SLC2A13: variants seen among roughly 807,000 people sequenced by gnomAD.
The protein encoded by SLC2A13 is solute carrier family 2 member 13, also known as proton myo-inositol cotransporter.
A neutral mutation model predicts 64.4 loss-of-function variants in SLC2A13; 32 were observed. That is an observed-to-expected ratio of 0.50 (90% CI 0.37 to 0.67). The LOEUF (loss-of-function observed/expected upper bound fraction) is 0.67. Ranked by LOEUF, SLC2A13 falls within the 30% of genes least tolerant of loss-of-function variation. The pLI is 0.00. For missense variants in SLC2A13, 743 were observed against 829.2 expected, an observed-to-expected ratio of 0.90 and a Z score of 1.28; for synonymous variants, 338 against 327.1, an observed-to-expected ratio of 1.03 and a Z score of -0.36.
intron 3 of SLC2A13, among the ~76,000 whole-genome samples, chr12:39,988,270 A>T (rs1297664447): frequency 6.6e-6 from 1 of 152,166 alleles, no homozygotes; most frequent in African/African-American, 2.4e-5. Flanking sequence ...GTAAAAGAGT[A>T]ATCATTTTTT....
intron 4 of SLC2A13, among the ~76,000 whole-genome samples, chr12:39,914,447 C>T (rs1170476917): frequency 6.6e-6 from 1 of 151,914 alleles, no homozygotes; most frequent in Non-Finnish European, 1.5e-5. Context: ...ATGAGGTGAG[C>T]TCTGCAAGTG....
chr12:39,812,770 C>G (rs561423168), intron 7 of SLC2A13, among the ~76,000 whole-genome samples: 6 of 148,498 alleles, frequency 4.0e-5, no homozygotes, highest in Admixed American at 6.7e-5. Context: ...TTGCACCTGG[C>G]GGTTTCTAAT....
At chr12:39,882,878 T>TA (rs747958712) in intron 4 of SLC2A13, among the ~76,000 whole-genome samples, 7 of 152,230 alleles carry the variant, frequency 4.6e-5, no homozygotes, top group Non-Finnish European at 7.3e-5. Flanking sequence ...TAGAATTACT[T>TA]AGATATACAT....
At chr12:39,866,758 C>T (rs530899556) in intron 5 of SLC2A13, among the ~76,000 whole-genome samples, 27 of 152,264 alleles carry the variant, frequency 1.8e-4, no homozygotes, top group African/African-American at 6.0e-4. Flanking sequence ...GGATTACAGG[C>T]GTGAGCCACA....
chr12:39,865,704 G>GA (rs1943889064), intron 5 of SLC2A13, among the ~76,000 whole-genome samples: 1 of 152,204 alleles, frequency 6.6e-6, no homozygotes, highest in Non-Finnish European at 1.5e-5. Flanking sequence ...CTGTAAAAAA[G>GA]AATGAGATCA....
intron 4 of SLC2A13, among the ~76,000 whole-genome samples, chr12:39,915,880 A>G (rs972479167): frequency 6.6e-6 from 1 of 152,036 alleles, no homozygotes; most frequent in African/African-American, 2.4e-5. Flanking sequence ...CATCATCACG[A>G]CAAATCTCTG....
chr12:39,858,925 G>A (rs1422095052), intron 6 of SLC2A13, among the ~76,000 whole-genome samples: 2 of 152,174 alleles, frequency 1.3e-5, no homozygotes, highest in East Asian at 1.9e-4. Flanking sequence ...CATTTCTAAG[G>A]TTGCATAAAA....
At chr12:39,827,665 T>C (rs563955871) in intron 7 of SLC2A13, among the ~76,000 whole-genome samples, 3 of 152,260 alleles carry the variant, frequency 2.0e-5, no homozygotes, top group African/African-American at 7.2e-5. Flanking sequence ...GTCTACTACA[T>C]TTTCTAGAAG....
At chr12:39,879,420 G>T (rs4277185) in intron 4 of SLC2A13, among the ~76,000 whole-genome samples, 39,202 of 152,158 alleles carry the variant, frequency 0.26, 5,341 homozygotes, top group East Asian at 0.39. Context: ...CAGCCCTGGG[G>T]ACTGAACCCT....
At position 40,060,795 on chromosome 12, in the gene SLC2A13, G is replaced by T. The variant is rs571212585; in HGVS notation, c.557-12585C>A. 2.0e-5 allele frequency among the ~76,000 whole-genome samples: 3 copies of T among 152,234 alleles called. No homozygotes were observed. In the South Asian group the frequency reaches 6.2e-4, roughly 32 times the overall value. On this transcript the variant is annotated intron_variant, in intron 1 of 9. Coordinates refer to ENST00000280871, the MANE Select transcript of SLC2A13 (RefSeq NM_052885.4). Reference sequence around the variant, plus strand: ...TAAACAGTGATCCCAAATGGATAGTGCAAGAATAAAGATGCAGGAAGAAAT... The same window carrying T: ...TAAACAGTGATCCCAAATGGATAGTTCAAGAATAAAGATGCAGGAAGAAAT...
chr12:39,872,138 T>G (rs1944073838), intron 4 of SLC2A13, among the ~76,000 whole-genome samples, 177 bp from the exon 5 acceptor site: 1 of 152,202 alleles, frequency 6.6e-6, no homozygotes, highest in Non-Finnish European at 1.5e-5. Flanking sequence ...AAAGACTATG[T>G]TCAAATAAAT....
At chr12:39,988,605 G>C (rs1947070895) in intron 3 of SLC2A13, among the ~76,000 whole-genome samples, 1 of 143,122 alleles carries the variant, frequency 7.0e-6, no homozygotes, top group Non-Finnish European at 1.5e-5. Context: ...AGAAGAAGAA[G>C]ACTAGGAGGA....
intron 6 of SLC2A13, among the ~76,000 whole-genome samples, chr12:39,860,731 T>G (rs1207887372): frequency 6.6e-6 from 1 of 152,200 alleles, no homozygotes; most frequent in African/African-American, 2.4e-5. Context: ...AAATTTCCTA[T>G]TGATTTTTCT....
At chr12:39,838,887 G>A (rs988640891) in intron 6 of SLC2A13, among the ~76,000 whole-genome samples, 31 of 152,042 alleles carry the variant, frequency 2.0e-4, no homozygotes, top group Non-Finnish European at 2.6e-4. Context: ...ATGAGATGGA[G>A]CACTAAGAAC....
intron 6 of SLC2A13, among the ~76,000 whole-genome samples, chr12:39,842,885 G>C (rs1317436206): frequency 2.0e-5 from 3 of 151,782 alleles, no homozygotes; most frequent in Admixed American, 1.3e-4. Flanking sequence ...TGTTGTTTCT[G>C]GCCTCTTTCA....
At chr12:39,825,083 T>G (rs1223123550) in intron 7 of SLC2A13, among the ~76,000 whole-genome samples, 1 of 152,160 alleles carries the variant, frequency 6.6e-6, no homozygotes, top group African/African-American at 2.4e-5. Context: ...CGGTAAACAA[T>G]GAATTGCCAA....
At chr12:40,052,411 G>C (rs145423239) in intron 1 of SLC2A13, among the ~76,000 whole-genome samples, 2 of 152,156 alleles carry the variant, frequency 1.3e-5, no homozygotes, top group African/African-American at 4.8e-5. Context: ...GCAAAAAAAG[G>C]GTGGAGAAAA....
chr12:39,756,601 T>C lies in SLC2A13; in HGVS notation c.*3425A>G, dbSNP rs1371646394. On this transcript the variant is annotated 3_prime_UTR_variant, in exon 10 of 10. Coordinates refer to ENST00000280871, the MANE Select transcript of SLC2A13 (RefSeq NM_052885.4). ...CTTTCTTAGATAAACATATGGATGG[T>C]ATTTTCTAAAACATTCTTCCATTTC... 2 of 151,866 alleles carry C rather than the reference T, an allele frequency of 1.3e-5. No individual in the cohort carries two copies. Among genetic ancestry groups the C allele is most frequent in the Non-Finnish European group, 3.0e-5 (2 of 67,708 alleles). 9.4% of individuals were successfully genotyped at this position (151,866 alleles called of 1,614,324 possible).
At chr12:39,840,714 C>T (rs924234292) in intron 6 of SLC2A13, among the ~76,000 whole-genome samples, 1 of 152,006 alleles carries the variant, frequency 6.6e-6, no homozygotes, top group Non-Finnish European at 1.5e-5. Context: ...TCACAAAACG[C>T]TCATATTATT....
Sources: allele counts gnomAD v4.1 joint callset (sites outside exome capture counted in the v4.1 genomes callset), GRCh38; gene constraint gnomAD v4.1.1; transcripts MANE v1.5; gene names NCBI Gene and HGNC (gene_info 2026-07-23, HGNC 2026-07-21).